Variants in GOLGB1 observed in about 807,000 individuals in gnomAD.
GOLGB1 encodes golgin B1, also known as golgin subfamily B member 1.
GOLGB1 carries 174 observed loss-of-function variants against 336.9 expected under a neutral mutation model. The ratio of observed to expected loss-of-function variants is 0.52; its 90% CI spans 0.46 to 0.59. GOLGB1 has a LOEUF of 0.59. Among genes scored for constraint, GOLGB1 ranks in the 20% least tolerant of loss-of-function variants. The probability of loss-of-function intolerance (pLI) is 0.00; values close to 1 mark genes in which losing one functional copy is unlikely to be tolerated. For missense variants in GOLGB1, 3,331 were observed against 3,645.3 expected, an observed-to-expected ratio of 0.91 and a Z score of 2.22; for synonymous variants, 1,208 against 1,289.2, an observed-to-expected ratio of 0.94 and a Z score of 1.35.
At chr3:121,725,987 A>C (rs138665224) in intron 5 of GOLGB1, among the ~76,000 whole-genome samples, 52 of 146,534 alleles carry the variant, frequency 3.5e-4, no homozygotes, top group African/African-American at 1.3e-3. Context: ...AAATAAATTT[A>C]TTTAAATTAA....
chr3:121,714,220 A>G (rs897915119), intron 10 of GOLGB1, among the ~76,000 whole-genome samples: 1 of 152,224 alleles, frequency 6.6e-6, no homozygotes, highest in African/African-American at 2.4e-5. Flanking sequence ...TAATCTTACA[A>G]TGGAGATGAC....
At chr3:121,699,566 T>C (rs1172922127) in intron 12 of GOLGB1, among the ~76,000 whole-genome samples, 3 of 152,224 alleles carry the variant, frequency 2.0e-5, no homozygotes, top group East Asian at 1.9e-4. Flanking sequence ...TATAAAAAAA[T>C]GTGTTATCAA....
rs992688326 is a variant in GOLGB1, at chr3:121,707,650, GA to G, written c.1405-5056del. Among the ~76,000 whole-genome samples, 397 of 134,382 alleles carry G rather than the reference GA, an allele frequency of 3.0e-3. 3 individuals carry two copies. Among genetic ancestry groups the G allele is most frequent in the African/African-American group, 9.6e-3 (349 of 36,544 alleles). The allele number at this position is 134,382 out of a possible 152,430, so 88.2% of individuals were successfully genotyped here. On this transcript the variant is annotated intron_variant, in intron 10 of 21. Coordinates refer to ENST00000614479, the MANE Select transcript of GOLGB1 (RefSeq NM_001366282.2). ...CCTGTCTCTTACTAAAAAAAAAAAA[GA>G]AAAAAAAAAAGTCCTTCAGATAGAA...
intron 1 of GOLGB1, among the ~76,000 whole-genome samples, chr3:121,735,816 T>C (rs1485245675): frequency 2.0e-5 from 3 of 152,168 alleles, no homozygotes; most frequent in African/African-American, 7.2e-5. Context: ...CTAGAAACAG[T>C]AACACCTCAG....
intron 1 of GOLGB1, 105 bp from the exon 2 acceptor site, chr3:121,731,078 AC>A: frequency 8.8e-7 from 1 of 1,136,946 alleles, no homozygotes; most frequent in South Asian, 1.5e-5. Flanking sequence ...AGAATACTGT[AC>A]AGGTGATTTG....
chr3:121,747,295 G>GTGTATATA (rs1215293021), intron 1 of GOLGB1, among the ~76,000 whole-genome samples: 15 of 140,642 alleles, frequency 1.1e-4, no homozygotes, highest in Middle Eastern at 3.7e-3. Context: ...GTATATATAT[G>GTGTATATA]TGTATATATG....
chr3:121,697,693 A>G lies in GOLGB1; in HGVS notation c.2830T>C (p.Ser944Pro), dbSNP rs1170602351. 13 of 1,613,452 alleles carry G rather than the reference A, an allele frequency of 8.1e-6. No individual in the cohort carries two copies. Among genetic ancestry groups the G allele is most frequent in the East Asian group, 2.2e-5 (1 of 44,882 alleles). The change falls in exon 13 of 22, where the codon TCC becomes CCC. Residue 944 changes from serine (S) to proline (P), a missense_variant. Ser to Pro is a moderately conservative substitution (Grantham distance 74). Transcript: ENST00000614479. ...KTLKEQLNLL[S>P]RAEEAKKEQV... is the part of the protein sequence containing the mutation. ...TCTTTTTTTGCTTCCTCAGCTCTGGATAATAAATTTAGCTGTTCTTTAAGA... is the reference window on the plus strand; with the variant it reads ...TCTTTTTTTGCTTCCTCAGCTCTGGGTAATAAATTTAGCTGTTCTTTAAGA...
At chr3:121,740,708 G>A (rs1033556491) in intron 1 of GOLGB1, among the ~76,000 whole-genome samples, 3 of 152,092 alleles carry the variant, frequency 2.0e-5, no homozygotes, top group African/African-American at 7.2e-5. Context: ...GAGTTACATA[G>A]GATTTGCGAG....
At chr3:121,700,228 C>T (rs1298505977) in intron 11 of GOLGB1, among the ~76,000 whole-genome samples, 3 of 152,004 alleles carry the variant, frequency 2.0e-5, no homozygotes, top group Non-Finnish European at 4.4e-5. Flanking sequence ...CATAATCCTA[C>T]TATGTTTGTA....
At chr3:121,739,479 T>C (rs6438650) in intron 1 of GOLGB1, among the ~76,000 whole-genome samples, 151,543 of 152,180 alleles carry the variant, frequency 1, 75,457 homozygotes, top group East Asian at 1. Context: ...AAAATAAACA[T>C]CAGAAATAGA....
intron 6 of GOLGB1, among the ~76,000 whole-genome samples, chr3:121,720,468 G>T (rs1945109421): frequency 6.6e-6 from 1 of 152,232 alleles, no homozygotes; most frequent in Non-Finnish European, 1.5e-5. Context: ...GGTTGTGAGT[G>T]TGTGCATCTG....
At chr3:121,704,127 GA>G (rs538929530) in intron 10 of GOLGB1, among the ~76,000 whole-genome samples, 10 of 144,566 alleles carry the variant, frequency 6.9e-5, no homozygotes, top group South Asian at 2.2e-4. Context: ...AAAAAAAATT[GA>G]AAAAAAAAAT....
intron 1 of GOLGB1, among the ~76,000 whole-genome samples, chr3:121,737,977 A>C (rs1445020538): frequency 6.6e-6 from 1 of 152,242 alleles, no homozygotes; most frequent in Non-Finnish European, 1.5e-5. Flanking sequence ...ACATGAGTAC[A>C]TAGGGCCATA....
chr3:121,695,739 A>G lies in GOLGB1; in HGVS notation c.4784T>C (p.Ile1595Thr), dbSNP rs1036050559. 3.1e-6 allele frequency: 5 copies of G among 1,611,436 alleles called. No homozygotes were observed. Among genetic ancestry groups the G allele is most frequent in the African/African-American group, 2.7e-5 (2 of 74,900 alleles). ...AATCTTAGAAGATTTCAAAGATTCA[A>G]TTTCCTTCACTAACTTTTCCTTGTC... ...TEDKEKLVKE[I>T]ESLKSSKIAE... Residue 1595 changes from isoleucine (I) to threonine (T), a missense_variant, in exon 13 of 22, where the codon ATT becomes ACT. By Grantham distance (89) the Ile-to-Thr change is moderately conservative. Coordinates refer to ENST00000614479, the MANE Select transcript of GOLGB1 (RefSeq NM_001366282.2).
At chr3:121,747,398 T>C (rs1003397966) in intron 1 of GOLGB1, among the ~76,000 whole-genome samples, 4 of 146,124 alleles carry the variant, frequency 2.7e-5, no homozygotes, top group Admixed American at 6.9e-5. Context: ...TATATATACA[T>C]ATATACGTAT....
At chr3:121,672,832 A>G (rs921750537) in intron 17 of GOLGB1, among the ~76,000 whole-genome samples, 10 of 152,060 alleles carry the variant, frequency 6.6e-5, no homozygotes. Context: ...GTCTAGTTTT[A>G]TTTTTCTGCA....
chr3:121,681,296 C>T (rs1227163600), intron 15 of GOLGB1, among the ~76,000 whole-genome samples: 1 of 152,032 alleles, frequency 6.6e-6, no homozygotes, highest in Non-Finnish European at 1.5e-5. Context: ...TTAGTGGTTG[C>T]TAGGGGTTAA....
chr3:121,728,381 C>T (rs1331375662), intron 4 of GOLGB1, among the ~76,000 whole-genome samples: 1 of 152,074 alleles, frequency 6.6e-6, no homozygotes, highest in Non-Finnish European at 1.5e-5. Context: ...CAAAGCAAAA[C>T]AAAATGAAAC....
chr3:121,669,429 C>A, intron 17 of GOLGB1, 74 bp from the exon 18 acceptor site: 1 of 1,217,054 alleles, frequency 8.2e-7, no homozygotes, highest in Non-Finnish European at 1.1e-6. Flanking sequence ...TCTGAGTTTT[C>A]AGGATCTAAT....
Sources: allele counts gnomAD v4.1 joint callset (sites outside exome capture counted in the v4.1 genomes callset), GRCh38; gene constraint gnomAD v4.1.1; transcripts MANE v1.5; gene names NCBI Gene and HGNC (gene_info 2026-07-23, HGNC 2026-07-21).